The following CEP83 variants were observed in gnomAD, a reference collection of about 807,000 sequenced individuals.
CEP83 encodes the protein centrosomal protein 83.
Under a neutral mutation model 101.9 loss-of-function variants are expected in CEP83, and 70 were observed. The ratio of observed to expected loss-of-function variants is 0.69; its 90% CI spans 0.57 to 0.84. The LOEUF is 0.84. Ranked by LOEUF, CEP83 falls within the 40% of genes least tolerant of loss-of-function variation. The probability of loss-of-function intolerance (pLI) is 0.00; values close to 1 mark genes in which losing one functional copy is unlikely to be tolerated. For missense variants in CEP83, 715 were observed against 787.2 expected, an observed-to-expected ratio of 0.91 and a Z score of 1.10; for synonymous variants, 264 against 267.9, an observed-to-expected ratio of 0.99 and a Z score of 0.14.
intron 3 of CEP83, 64 bp from the exon 4 acceptor site, chr12:94,411,911 T>A: frequency 1.5e-6 from 2 of 1,324,122 alleles, no homozygotes; most frequent in African/African-American, 1.5e-5. Flanking sequence ...CATTACTTTA[T>A]GTAAAGTCAA....
intron 1 of CEP83, among the ~76,000 whole-genome samples, chr12:94,439,647 T>C (rs142753410): frequency 6.6e-6 from 1 of 151,990 alleles, no homozygotes; most frequent in Non-Finnish European, 1.5e-5. Context: ...ACTGAAGCTA[T>C]TCCAAAACAC....
chr12:94,431,056 A>G (rs1397651228), intron 2 of CEP83, among the ~76,000 whole-genome samples: 1 of 152,224 alleles, frequency 6.6e-6, no homozygotes, highest in African/African-American at 2.4e-5. Flanking sequence ...CAATTCAGCA[A>G]GAGGATAACA....
chr12:94,271,887 T>C, the CEP83 span, among the ~76,000 whole-genome samples: 1 of 152,186 alleles, frequency 6.6e-6, no homozygotes, highest in East Asian at 1.9e-4. Flanking sequence ...GCTGATTCCA[T>C]CATCATGAAA....
At chr12:94,413,825 T>C (rs868266559) in intron 2 of CEP83, among the ~76,000 whole-genome samples, 38 of 140,488 alleles carry the variant, frequency 2.7e-4, no homozygotes, top group East Asian at 1.1e-3. Context: ...CCATAATACA[T>C]ACACACACAC....
chr12:94,409,811 T>A (rs187809895), intron 4 of CEP83, among the ~76,000 whole-genome samples: 1 of 152,120 alleles, frequency 6.6e-6, no homozygotes, highest in Non-Finnish European at 1.5e-5. Context: ...CACCATCACA[T>A]AGTGCTCCTC....
intron 11 of CEP83, among the ~76,000 whole-genome samples, chr12:94,346,175 G>A (rs1001246163): frequency 2.0e-5 from 3 of 151,598 alleles, no homozygotes; most frequent in African/African-American, 4.8e-5. Flanking sequence ...TCAGCCTCCC[G>A]AGTAGCTGGG....
chr12:94,278,318 C>T, the CEP83 span, among the ~76,000 whole-genome samples: 3 of 152,322 alleles, frequency 2.0e-5, no homozygotes, highest in Admixed American at 1.3e-4. Flanking sequence ...TTGCAAAATA[C>T]TCTTGGCTCT....
chr12:94,383,913 T>C (rs1002048486), intron 6 of CEP83, among the ~76,000 whole-genome samples: 1 of 152,106 alleles, frequency 6.6e-6, no homozygotes, highest in South Asian at 2.1e-4. Flanking sequence ...ATAATATAAT[T>C]ACCTAAAATA....
intron 14 of CEP83, among the ~76,000 whole-genome samples, chr12:94,321,853 G>A (rs762546959): frequency 1.4e-4 from 21 of 151,940 alleles, no homozygotes; most frequent in Non-Finnish European, 2.2e-4. Context: ...TTGGGAGGAC[G>A]TGCTCAGTGA....
At chr12:94,428,821 AGTCAAG>A (rs2065401438) in intron 2 of CEP83, among the ~76,000 whole-genome samples, 1 of 152,228 alleles carries the variant, frequency 6.6e-6, no homozygotes, top group African/African-American at 2.4e-5. Flanking sequence ...CAGACCATCA[AGTCAAG>A]CACACTTCTC....
At chr12:94,293,200 G>A in the CEP83 span, among the ~76,000 whole-genome samples, 5 of 152,130 alleles carry the variant, frequency 3.3e-5, no homozygotes, top group African/African-American at 1.2e-4. Flanking sequence ...ATAAACTGTT[G>A]TATAAATATG....
intron 1 of CEP83, among the ~76,000 whole-genome samples, chr12:94,458,175 C>T (rs1220413694): frequency 2.0e-5 from 3 of 147,640 alleles, no homozygotes; most frequent in Non-Finnish European, 3.0e-5. Context: ...CCAGCCTGAG[C>T]GACAAGAATG....
intron 6 of CEP83, among the ~76,000 whole-genome samples, chr12:94,384,039 T>C (rs2061995787): frequency 6.6e-6 from 1 of 152,144 alleles, no homozygotes; most frequent in African/African-American, 2.4e-5. Flanking sequence ...CACAGTTCTG[T>C]TTACCATGTA....
chr12:94,303,709 T>TTA (rs1346895045), downstream of CEP83: 20 of 1,181,154 alleles, frequency 1.7e-5, no homozygotes, highest in South Asian at 6.8e-5. Context: ...TTTTTTTTTT[T>TTA]TTTACTCTTT....
Position 94,330,520 on chromosome 12 carries a change from G to A in CEP83, c.1707+1180C>T, listed in dbSNP as rs74759409. Among the ~76,000 whole-genome samples, 3 of 152,300 alleles carry A rather than the reference G, an allele frequency of 2.0e-5. No individual in the cohort carries two copies. In the East Asian group the frequency reaches 5.8e-4, roughly 29 times the overall value. The stretch of plus-strand genomic sequence containing the variant: ...TTCCAAGAAAACAAAGTTAGGTTCT[G>A]GAGAAAAGTATGCCTGCAAAGGTAA... On this transcript the variant is annotated intron_variant, in intron 14 of 16. Coordinates refer to ENST00000397809, the MANE Select transcript of CEP83 (RefSeq NM_016122.3).
rs1187990091 is a variant in CEP83, at chr12:94,412,307, A to C, written c.173+11T>G. The C allele has an allele frequency of 6.3e-7, 1 of 1,577,244 alleles. No homozygotes were observed. The highest frequency in any genetic ancestry group is 8.6e-7 in the Non-Finnish European group (1 of 1,165,220). ...AAAACCAAACCCCACTTCTAGATTT[A>C]AGTAATTTACCTTGTGTGTTCAGCC... On this transcript the variant is annotated intron_variant, in intron 3 of 16. Coordinates refer to ENST00000397809, the MANE Select transcript of CEP83 (RefSeq NM_016122.3).
At chr12:94,378,680 G>A in intron 7 of CEP83, 111 bp downstream of exon 7, 2 of 1,137,874 alleles carry the variant, frequency 1.8e-6, no homozygotes, top group Non-Finnish European at 2.5e-6. Context: ...TTACACAAAT[G>A]CATCAGCATT....
intron 11 of CEP83, among the ~76,000 whole-genome samples, chr12:94,358,154 A>G (rs553545121): frequency 1.3e-5 from 2 of 152,336 alleles, no homozygotes; most frequent in African/African-American, 4.8e-5. Flanking sequence ...CAAAGTAGTT[A>G]TATTTTGCAT....
rs528457329 is a variant in CEP83 at position 94,455,757 on chromosome 12, AT to A, written c.-155+3799del. On this transcript the variant is annotated intron_variant, in intron 1 of 16. Transcript: ENST00000397809. ...CTGGATTATAGCTCAGTTAAAAGAA[AT>A]AGTAGGCCGGGCGCATTGGCTCACA... Among the ~76,000 whole-genome samples, 187 of 152,304 alleles carry A rather than the reference AT, an allele frequency of 1.2e-3. 1 individual carries two copies. Among genetic ancestry groups the A allele is most frequent in the African/African-American group, 4.2e-3 (174 of 41,572 alleles).
Sources: allele counts gnomAD v4.1 joint callset (sites outside exome capture counted in the v4.1 genomes callset), GRCh38; gene constraint gnomAD v4.1.1; transcripts MANE v1.5; gene names NCBI Gene and HGNC (gene_info 2026-07-23, HGNC 2026-07-21).